The following ABCA6 variants were observed in gnomAD, a reference collection of about 807,000 sequenced individuals.
ABCA6 encodes ATP-binding cassette sub-family A member 6.
ABCA6 carries 164 observed loss-of-function variants against 191.2 expected under a neutral mutation model. That is an observed-to-expected ratio of 0.86 (90% CI 0.76 to 0.98). The LOEUF is 0.98. Ranked by LOEUF, ABCA6 falls within the 50% of genes least tolerant of loss-of-function variation. ABCA6 has a pLI of 0.00. For missense variants in ABCA6, 1,958 were observed against 1,894.1 expected, an observed-to-expected ratio of 1.03 and a Z score of -0.63; for synonymous variants, 636 against 647.7, an observed-to-expected ratio of 0.98 and a Z score of 0.27.
At position 69,106,130 on chromosome 17, in the gene ABCA6, T is replaced by C; in HGVS notation, c.2471A>G (p.Gln824Arg). ...ELAHSSFSEM[Q>R]TAVSDMGLWR... ...GAGGCCCATGTCACTCACAGCTGTC[T>C]GCATTTCAGAGAAGGAAGAGTGAGC... The change falls in exon 19 of 39, where the codon CAG (glutamine) becomes CGG (arginine). Residue 824 changes from glutamine (Q) to arginine (R), a missense_variant. Transcript: ENST00000284425. 2.5e-6 allele frequency: 4 copies of C among 1,613,958 alleles called. No homozygotes were observed. The highest frequency in any genetic ancestry group is 2.5e-6 in the Non-Finnish European group (3 of 1,179,890).
At chr17:69,088,381 G>T in intron 27 of ABCA6, 123 bp from the exon 28 acceptor site, 1 of 704,218 alleles carries the variant, frequency 1.4e-6, no homozygotes, top group Non-Finnish European at 2.2e-6. Context: ...CATAAGCTGG[G>T]GGAGAAATGT....
chr17:69,111,946 A>G (rs1257594429), intron 16 of ABCA6: 1 of 418,838 alleles, frequency 2.4e-6, no homozygotes, highest in Non-Finnish European at 4.3e-6. Context: ...GAAAAGTGGC[A>G]CATGAAGTAG....
rs141359667 is a variant in ABCA6 at position 69,129,649 on chromosome 17, C to A, written c.894G>T (p.Met298Ile). 1.2e-6 allele frequency: 2 copies of A among 1,602,840 alleles called. No individual in the cohort carries two copies. The change falls in exon 7 of 39, where the codon ATG becomes ATT. Residue 298 changes from methionine to isoleucine, a missense_variant. By Grantham distance (10) the Met-to-Ile change is conservative (BLOSUM62 1). Coordinates refer to ENST00000284425, the MANE Select transcript of ABCA6 (RefSeq NM_080284.3). ...ATAAAAAAAAGAGTATAAATATGAC[C>A]ATGAAGCCAGTCATGACTATAATTT... ...FTQIIVMTGF[M>I]VIFILFFLYG...
At chr17:69,100,466 G>A (rs189959218) in intron 22 of ABCA6, among the ~76,000 whole-genome samples, 8 of 152,116 alleles carry the variant, frequency 5.3e-5, no homozygotes, top group Non-Finnish European at 7.4e-5. Flanking sequence ...TATGTAACCA[G>A]GGTTACAAGT....
intron 17 of ABCA6, chr17:69,110,139 G>A (rs144353417): frequency 2.6e-5 from 4 of 152,202 alleles, no homozygotes; most frequent in Non-Finnish European, 4.4e-5. Context: ...TTTTCCGATC[G>A]ATGGCAATTA....
chr17:69,096,561 A>T, intron 24 of ABCA6, 67 bp downstream of exon 24: 1 of 1,191,848 alleles, frequency 8.4e-7, no homozygotes, highest in Non-Finnish European at 1.1e-6. Context: ...TAACTACTTA[A>T]AATAACAATG....
chr17:69,112,076 G>A, intron 16 of ABCA6, 107 bp downstream of exon 16: 1 of 815,922 alleles, frequency 1.2e-6, no homozygotes, highest in East Asian at 2.4e-5. Context: ...GATCAATCCA[G>A]TATGGTAGAG....
At chr17:69,084,605 A>G in intron 32 of ABCA6, 98 bp from the exon 33 acceptor site, 2 of 1,058,762 alleles carry the variant, frequency 1.9e-6, no homozygotes, top group South Asian at 1.5e-5. Flanking sequence ...GTTTAGTAAT[A>G]TTATTGTCAA....
intron 20 of ABCA6, 24 bp from the exon 21 acceptor site, chr17:69,102,992 G>T: frequency 7.2e-7 from 1 of 1,380,106 alleles, no homozygotes; most frequent in South Asian, 1.3e-5. Context: ...AATAAGAGAA[G>T]GCCATAGAAA....
intron 10 of ABCA6, among the ~76,000 whole-genome samples, chr17:69,120,402 T>A (rs1056504617): frequency 6.6e-6 from 1 of 152,056 alleles, no homozygotes; most frequent in Admixed American, 6.6e-5. Context: ...TAGTTAACAC[T>A]TCTATTGACT....
chr17:69,136,261 C>T lies in ABCA6; in HGVS notation c.302-11G>A, dbSNP rs764506507. 2.5e-5 allele frequency: 37 copies of T among 1,501,642 alleles called. No individual in the cohort carries two copies. Among genetic ancestry groups the T allele is most frequent in the Non-Finnish European group, 8.9e-7 (1 of 1,125,666 alleles). The allele number at this position is 1,501,642 out of a possible 1,614,324, so 93.0% of individuals were successfully genotyped here. ...CAATGACACTTGTTCCTGTGAATTA[C>T]AAGGTAAAAATAGACATAGAAAATT... On this transcript the variant is annotated splice_polypyrimidine_tract_variant and intron_variant, in intron 3 of 38. Coordinates refer to ENST00000284425, the MANE Select transcript of ABCA6 (RefSeq NM_080284.3).
At position 69,112,618 on chromosome 17, in the gene ABCA6, A is replaced by G. The variant is rs528902878; in HGVS notation, c.2042-345T>C. The G allele has an allele frequency of 8.3e-4, 195 of 234,464 alleles. 4 individuals carry two copies. In the Admixed American group the frequency reaches 0.01, roughly 12 times the overall value. 14.5% of individuals were successfully genotyped at this position (234,464 alleles called of 1,614,324 possible). A position where few individuals can be genotyped will look rare whatever the true frequency, so the allele number is the denominator to read the frequency against. On this transcript the variant is annotated intron_variant, in intron 15 of 38. Transcript: ENST00000284425. ...AGCTAAAAAATGGGTACACATGGACATACAGTGTGGAGTAATAGACACTGA... is the reference window on the plus strand; with the variant it reads ...AGCTAAAAAATGGGTACACATGGACGTACAGTGTGGAGTAATAGACACTGA...
intron 12 of ABCA6, 60 bp from the exon 13 acceptor site, chr17:69,114,997 AT>A: frequency 7.8e-7 from 1 of 1,279,886 alleles, no homozygotes; most frequent in Non-Finnish European, 1.1e-6. Context: ...ATATTCATAG[AT>A]CTCATTTAAG....
intron 23 of ABCA6, among the ~76,000 whole-genome samples, chr17:69,097,261 C>G (rs2073070730): frequency 6.6e-6 from 1 of 152,006 alleles, no homozygotes; most frequent in Non-Finnish European, 1.5e-5. Context: ...CATGGTGGTG[C>G]AAGCCTGTAA....
chr17:69,111,834 C>T, intron 16 of ABCA6: 2 of 175,204 alleles, frequency 1.1e-5, no homozygotes, highest in South Asian at 1.6e-4. Context: ...GCCTTTTTGC[C>T]CTATGAAAGA....
intron 1 of ABCA6, 44 bp downstream of exon 1, chr17:69,141,701 A>C (rs2074025652): frequency 6.6e-6 from 1 of 152,086 alleles, no homozygotes; most frequent in Non-Finnish European, 1.5e-5. Context: ...AGCAGTGTCC[A>C]CCCACATATT....
Position 69,121,249 on chromosome 17 carries a change from A to C in ABCA6, c.1436+1990T>G, listed in dbSNP as rs547560248. 2.0e-5 allele frequency among the ~76,000 whole-genome samples: 3 copies of C among 152,142 alleles called. No individual in the cohort carries two copies. The East Asian group carries it at 5.8e-4, about 30-fold the overall frequency. On this transcript the variant is annotated intron_variant, in intron 10 of 38. Coordinates refer to ENST00000284425, the MANE Select transcript of ABCA6 (RefSeq NM_080284.3). ...TCACTGTGAAGAAAGAAGAGATAAAACTTGTGGATTAGAAACTGCATATAC... is the reference window on the plus strand; with the variant it reads ...TCACTGTGAAGAAAGAAGAGATAAACCTTGTGGATTAGAAACTGCATATAC...
chr17:69,136,129 C>A lies in ABCA6; in HGVS notation c.423G>T (p.Gln141His). The change falls in exon 4 of 39, where the codon CAG (glutamine) becomes CAT (histidine). Residue 141 changes from glutamine to histidine, a missense_variant. Physicochemically the swap from Gln to His is conservative, Grantham distance 24. Transcript: ENST00000284425. ...ETFSYKLIFF[Q>H]GYNSPLWKED... Reference sequence around the variant, plus strand: ...CTTTCCAAAGTGGACTGTTATATCCCTGGAAAAATATTAACTTATAAGAGA... The same window carrying A: ...CTTTCCAAAGTGGACTGTTATATCCATGGAAAAATATTAACTTATAAGAGA... The A allele has an allele frequency of 6.2e-7, 1 of 1,609,734 alleles. No homozygotes were observed. The highest frequency in any genetic ancestry group is 8.5e-7 in the Non-Finnish European group (1 of 1,177,798).
Position 69,129,761 on chromosome 17 carries a change from G to T in ABCA6, c.792-10C>A. ...TAGACCCCAGGAGAGCCTAAATAAA[G>T]ACAAAAAGTTATATAAATTATGTTA... On this transcript the variant is annotated splice_polypyrimidine_tract_variant and intron_variant, in intron 6 of 38. Coordinates refer to ENST00000284425, the MANE Select transcript of ABCA6 (RefSeq NM_080284.3). The T allele has an allele frequency of 6.4e-7, 1 of 1,554,436 alleles. No homozygotes were observed. Among genetic ancestry groups the T allele is most frequent in the South Asian group, 1.2e-5 (1 of 82,408 alleles).
Sources: allele counts gnomAD v4.1 joint callset (sites outside exome capture counted in the v4.1 genomes callset), GRCh38; gene constraint gnomAD v4.1.1; transcripts MANE v1.5; gene names NCBI Gene and HGNC (gene_info 2026-07-23, HGNC 2026-07-21).